ZRANB1: variants seen among roughly 807,000 people sequenced by gnomAD.
The protein encoded by ZRANB1 is zinc finger RANBP2-type containing 1.
ZRANB1 carries 16 observed loss-of-function variants against 80.5 expected under a neutral mutation model. The ratio of observed to expected loss-of-function variants is 0.20; its 90% confidence interval spans 0.13 to 0.30. ZRANB1 has a LOEUF of 0.30. Among genes scored for constraint, ZRANB1 ranks in the 10% least tolerant of loss-of-function variants. The pLI is 1.00. For missense variants in ZRANB1, 576 were observed against 862.6 expected (o/e 0.67, Z 4.16); for synonymous variants, 291 against 293.1 (o/e 0.99, Z 0.07).
chr10:124,974,937 A>G (rs1299124679), intron 5 of ZRANB1, among the ~76,000 whole-genome samples: 3 of 152,178 alleles, frequency 2.0e-5, no homozygotes, highest in Non-Finnish European at 4.4e-5. Flanking sequence ...AGCTAGAACT[A>G]CAGGTGCTCA....
chr10:124,918,483 T>C, the ZRANB1 span, among the ~76,000 whole-genome samples: 1 of 152,250 alleles, frequency 6.6e-6, no homozygotes, highest in African/African-American at 2.4e-5. Flanking sequence ...GCCACCGCGC[T>C]TGGCCTGAGA....
intron 5 of ZRANB1, among the ~76,000 whole-genome samples, chr10:124,976,824 G>C (rs1951880502): frequency 6.6e-6 from 1 of 151,534 alleles, no homozygotes; most frequent in South Asian, 2.1e-4. Flanking sequence ...CGCCCACCTC[G>C]ACCTCCCAAA....
chr10:124,919,284 C>A, the ZRANB1 span, among the ~76,000 whole-genome samples: 5 of 152,184 alleles, frequency 3.3e-5, no homozygotes, highest in African/African-American at 7.2e-5. Flanking sequence ...GTGGCTCATG[C>A]CTATAATCCC....
chr10:124,986,703 A>ATGTT lies in ZRANB1; in HGVS notation c.*1712_*1715dup, dbSNP rs1268959758. On this transcript the variant is annotated 3_prime_UTR_variant, in exon 9 of 9. Coordinates refer to ENST00000359653, the MANE Select transcript of ZRANB1 (RefSeq NM_017580.3). ...CAATAAGTAATCAAGTTTGTAGAAAATGTTAGCATTCTGACTACTTAGCAT... is the reference window on the plus strand; with the variant it reads ...CAATAAGTAATCAAGTTTGTAGAAAATGTTTGTTAGCATTCTGACTACTTAGCAT... 2.0e-5 allele frequency: 3 copies of ATGTT among 152,212 alleles called. No homozygotes were observed. In the East Asian group the frequency reaches 5.8e-4, roughly 29 times the overall value. The allele number at this position is 152,212 out of a possible 1,614,324, so 9.4% of individuals were successfully genotyped here.
intron 5 of ZRANB1, among the ~76,000 whole-genome samples, 156 bp downstream of exon 5, chr10:124,974,554 G>A (rs556352403): frequency 6.6e-6 from 1 of 152,290 alleles, no homozygotes; most frequent in Admixed American, 6.5e-5. Flanking sequence ...ACACGTCCAT[G>A]GTTTCTGTTT....
At chr10:124,929,622 G>A in the ZRANB1 span, among the ~76,000 whole-genome samples, 2 of 151,314 alleles carry the variant, frequency 1.3e-5, no homozygotes, top group East Asian at 2.0e-4. Flanking sequence ...ACAAGTGTGA[G>A]CCACCGCGCC....
intron 1 of ZRANB1, among the ~76,000 whole-genome samples, chr10:124,963,554 G>GTTTTTTTTTTTTTTTTTTTTTTTTTTTTT (rs760813299): frequency 1.7e-5 from 1 of 57,508 alleles, no homozygotes; most frequent in Non-Finnish European, 3.2e-5. Context: ...TTTTTTGTTT[G>GTTTTTTTTTTTTTTTTTTTTTTTTTTTTT]TTTTTTTTTT....
In ZRANB1 at chr10:124,987,822, T is replaced by G. The variant is rs1952094744; in HGVS notation, c.*2830T>G. 6.6e-6 allele frequency: 1 copy of G among 152,156 alleles called. No homozygotes were observed. Among genetic ancestry groups the G allele is most frequent in the Non-Finnish European group, 1.5e-5 (1 of 68,032 alleles). The allele number at this position is 152,156 out of a possible 1,614,324, so 9.4% of individuals were successfully genotyped here. ...CTCAGAGGGAGTTTCATACCTGGAA[T>G]TGTTGGACTTAATTGACACTTGCAA... is the stretch of plus-strand genomic sequence containing the variant. On this transcript the variant is annotated 3_prime_UTR_variant, in exon 9 of 9. Coordinates refer to ENST00000359653, the MANE Select transcript of ZRANB1 (RefSeq NM_017580.3).
chr10:124,946,405 C>CA, intron 1 of ZRANB1: 1 of 113,014 alleles, frequency 8.8e-6, no homozygotes, highest in Non-Finnish European at 1.8e-5. Context: ...GCAACAAGAG[C>CA]AAAACCCTGT....
intron 2 of ZRANB1, among the ~76,000 whole-genome samples, 190 bp from the exon 3 acceptor site, chr10:124,971,775 T>C (rs1951828204): frequency 6.6e-6 from 1 of 152,236 alleles, no homozygotes; most frequent in Non-Finnish European, 1.5e-5. Flanking sequence ...GGATAAAACA[T>C]TTTTGTGACT....
chr10:124,949,029 G>A (rs1951608200), intron 1 of ZRANB1, among the ~76,000 whole-genome samples: 1 of 152,172 alleles, frequency 6.6e-6, no homozygotes, highest in Admixed American at 6.5e-5. Context: ...CAGGAAGACT[G>A]AGGTAAGTAG....
intron 1 of ZRANB1, among the ~76,000 whole-genome samples, chr10:124,958,304 A>G (rs1448013252): frequency 6.6e-6 from 1 of 152,160 alleles, no homozygotes; most frequent in Non-Finnish European, 1.5e-5. Context: ...CTGTAGTCCC[A>G]GGTATGTGAG....
chr10:124,936,827 A>G, the ZRANB1 span, among the ~76,000 whole-genome samples: 2 of 152,188 alleles, frequency 1.3e-5, no homozygotes, highest in Non-Finnish European at 2.9e-5. Flanking sequence ...TTTCGTCTTT[A>G]TATCCCTAAG....
At chr10:124,946,023 A>C (rs1951579099) in intron 1 of ZRANB1, 1 of 152,186 alleles carries the variant, frequency 6.6e-6, no homozygotes, top group South Asian at 2.1e-4. Flanking sequence ...TCCTGTGCTC[A>C]AGTGATCCAC....
intron 2 of ZRANB1, among the ~76,000 whole-genome samples, chr10:124,970,511 C>T (rs1951814491): frequency 6.6e-6 from 1 of 152,166 alleles, no homozygotes; most frequent in Non-Finnish European, 1.5e-5. Context: ...ATCCTCCTGC[C>T]TTGGCCTCAC....
chr10:124,981,456 G>A (rs911808566), intron 5 of ZRANB1: 4 of 284,466 alleles, frequency 1.4e-5, no homozygotes, highest in South Asian at 1.4e-4. Context: ...CATCATTAGC[G>A]TTTGAAGTTT....
the ZRANB1 span, among the ~76,000 whole-genome samples, chr10:124,920,735 T>TG: frequency 6.6e-6 from 1 of 152,114 alleles, no homozygotes; most frequent in Non-Finnish European, 1.5e-5. Flanking sequence ...AGTCTTCTCT[T>TG]GCGTGAGACT....
chr10:124,928,514 A>G, the ZRANB1 span, among the ~76,000 whole-genome samples: 2 of 152,174 alleles, frequency 1.3e-5, no homozygotes, highest in African/African-American at 4.8e-5. Context: ...TTTTTATAGA[A>G]ATTATTTTAG....
At chr10:124,934,987 T>C in the ZRANB1 span, among the ~76,000 whole-genome samples, 1 of 152,236 alleles carries the variant, frequency 6.6e-6, no homozygotes, top group Non-Finnish European at 1.5e-5. Context: ...TGTTTAATTG[T>C]GGATTATAGA....
Sources: allele counts gnomAD v4.1 joint callset (sites outside exome capture counted in the v4.1 genomes callset), GRCh38; gene constraint gnomAD v4.1.1; transcripts MANE v1.5; gene names NCBI Gene and HGNC (gene_info 2026-07-23, HGNC 2026-07-21).